The following GABPB1 variants were observed in gnomAD, a reference collection of about 807,000 sequenced individuals.
The protein encoded by GABPB1 is GA binding protein transcription factor subunit beta 1.
In GABPB1, 15 loss-of-function variants were observed where a neutral mutation model predicts 45.9. That is an observed-to-expected ratio of 0.33 (90% CI 0.22 to 0.50). The LOEUF (loss-of-function observed/expected upper bound fraction) is 0.50. GABPB1 is among the 20% of genes least tolerant of loss of function. The pLI is 0.98. For missense variants in GABPB1, 252 were observed against 457.5 expected (o/e 0.55, Z 4.10); for synonymous variants, 143 against 154.4 (o/e 0.93, Z 0.55).
chr15:50,309,418 C>G (rs1047928307), intron 2 of GABPB1, among the ~76,000 whole-genome samples: 1 of 152,064 alleles, frequency 6.6e-6, no homozygotes, highest in African/African-American at 2.4e-5. Context: ...AAATCCCAAG[C>G]AGATACATTT....
At chr15:50,287,588 C>T (rs565149142) in intron 7 of GABPB1, among the ~76,000 whole-genome samples, 1 of 152,272 alleles carries the variant, frequency 6.6e-6, no homozygotes, top group South Asian at 2.1e-4. Flanking sequence ...ATCTGCAAAC[C>T]AAGGAGAGCA....
At chr15:50,308,111 T>C (rs2047008505) in intron 2 of GABPB1, among the ~76,000 whole-genome samples, 2 of 152,214 alleles carry the variant, frequency 1.3e-5, no homozygotes. Context: ...CTGTTGACAG[T>C]TGTTTTAGCA....
At chr15:50,287,297 A>G (rs1006389035) in intron 7 of GABPB1, among the ~76,000 whole-genome samples, 6 of 152,180 alleles carry the variant, frequency 3.9e-5, no homozygotes, top group Non-Finnish European at 5.9e-5. Flanking sequence ...TGCCCCATCA[A>G]CATAAACTTT....
chr15:50,352,100 C>T (rs2048855335), intron 1 of GABPB1: 1 of 152,146 alleles, frequency 6.6e-6, no homozygotes, highest in Admixed American at 6.5e-5. Context: ...AGGCTACTTG[C>T]AAACAGAGAC....
chr15:50,338,780 T>C (rs1182783908), intron 1 of GABPB1, among the ~76,000 whole-genome samples: 3 of 152,182 alleles, frequency 2.0e-5, no homozygotes, highest in African/African-American at 7.2e-5. Flanking sequence ...TAAACCTCCG[T>C]TTTAAATATT....
intron 1 of GABPB1, among the ~76,000 whole-genome samples, chr15:50,333,692 ATAG>A (rs2048019968): frequency 6.6e-6 from 1 of 152,170 alleles, no homozygotes; most frequent in Non-Finnish European, 1.5e-5. Flanking sequence ...TTCATTCCAT[ATAG>A]TAGACATTTC....
intron 6 of GABPB1, among the ~76,000 whole-genome samples, chr15:50,300,443 T>A (rs1206346343): frequency 8.3e-6 from 1 of 120,192 alleles, no homozygotes; most frequent in East Asian, 2.0e-4. Flanking sequence ...TTGGTTTTTT[T>A]TTTTTTTTTT....
intron 1 of GABPB1, among the ~76,000 whole-genome samples, chr15:50,321,663 T>C (rs1595800952): frequency 2.0e-5 from 3 of 150,076 alleles, no homozygotes; most frequent in African/African-American, 7.4e-5. Context: ...GATTCCGCCA[T>C]TGCACTCCAG....
At chr15:50,342,691 T>C (rs1331331654) in intron 1 of GABPB1, among the ~76,000 whole-genome samples, 2 of 152,206 alleles carry the variant, frequency 1.3e-5, no homozygotes, top group African/African-American at 4.8e-5. Context: ...TTTGAAAATA[T>C]CAGCATATAT....
intron 7 of GABPB1, among the ~76,000 whole-genome samples, chr15:50,287,301 A>G (rs1342791826): frequency 6.6e-6 from 1 of 152,150 alleles, no homozygotes; most frequent in African/African-American, 2.4e-5. Context: ...CCATCAACAT[A>G]AACTTTAGAA....
chr15:50,335,915 A>AAG (rs60560307), intron 1 of GABPB1, among the ~76,000 whole-genome samples: 22,573 of 102,004 alleles, frequency 0.22, 2,427 homozygotes, highest in Middle Eastern at 0.34. Flanking sequence ...AAAAAAAAAA[A>AAG]AAGAAGACTG....
At chr15:50,300,673 G>A in intron 6 of GABPB1, 116 bp downstream of exon 6, 1 of 650,822 alleles carries the variant, frequency 1.5e-6, no homozygotes, top group South Asian at 1.7e-5. Flanking sequence ...TCAAACTCCT[G>A]AGCTCAGGCA....
intron 1 of GABPB1, among the ~76,000 whole-genome samples, chr15:50,331,055 T>C (rs1483523791): frequency 6.6e-6 from 1 of 152,112 alleles, no homozygotes; most frequent in African/African-American, 2.4e-5. Context: ...CTAGGGAGGA[T>C]CCAAAGGAAG....
intron 7 of GABPB1, among the ~76,000 whole-genome samples, chr15:50,287,802 C>T (rs955732053): frequency 3.9e-5 from 6 of 152,112 alleles, no homozygotes; most frequent in African/African-American, 1.4e-4. Flanking sequence ...GACCCTAATC[C>T]AAATTTCAGA....
intron 1 of GABPB1, among the ~76,000 whole-genome samples, chr15:50,314,187 A>T (rs866133938): frequency 0.037 from 5,166 of 139,848 alleles, 117 homozygotes; most frequent in Middle Eastern, 0.068. Flanking sequence ...TTATTTATTT[A>T]TTTATTTATT....
intron 2 of GABPB1, among the ~76,000 whole-genome samples, chr15:50,304,698 G>A (rs1217897629): frequency 5.4e-5 from 8 of 148,492 alleles, no homozygotes; most frequent in Admixed American, 4.7e-4. Flanking sequence ...GTGACACAGC[G>A]AGATTTTGGT....
intron 1 of GABPB1, among the ~76,000 whole-genome samples, chr15:50,331,905 C>T (rs1236899575): frequency 6.7e-6 from 1 of 149,256 alleles, no homozygotes. Flanking sequence ...AATAGAGTCT[C>T]GCTCTGTCGC....
chr15:50,341,796 A>G (rs760046082), intron 1 of GABPB1, among the ~76,000 whole-genome samples: 4 of 152,192 alleles, frequency 2.6e-5, no homozygotes, highest in Non-Finnish European at 5.9e-5. Context: ...TCACTAGAGG[A>G]AAAACTGACT....
At chr15:50,346,790 C>CTT (rs796246086) in intron 1 of GABPB1, among the ~76,000 whole-genome samples, 64,656 of 133,138 alleles carry the variant, frequency 0.49, 16,929 homozygotes, top group Middle Eastern at 0.65. Context: ...TGTCTGGAGT[C>CTT]TTTTTTTTTT....
Sources: allele counts gnomAD v4.1 joint callset (sites outside exome capture counted in the v4.1 genomes callset), GRCh38; gene constraint gnomAD v4.1.1; transcripts MANE v1.5; gene names NCBI Gene and HGNC (gene_info 2026-07-23, HGNC 2026-07-21).